Variants in EPHA8 observed in about 807,000 individuals in gnomAD.
EPHA8 encodes the protein ephrin type-A receptor 8.
EPHA8 carries 58 observed loss-of-function variants against 103.6 expected under a neutral mutation model. That is an observed-to-expected ratio of 0.56 (90% CI 0.45 to 0.70). The LOEUF is 0.70. Among genes scored for constraint, EPHA8 ranks in the 30% least tolerant of loss-of-function variants. The pLI is 0.00. For synonymous variants in EPHA8, 559 were observed against 572.5 expected, an observed-to-expected ratio of 0.98 and a Z score of 0.34; for missense variants, 1,304 against 1,395.2, an observed-to-expected ratio of 0.93 and a Z score of 1.04.
At position 22,593,308 on chromosome 1, in the gene EPHA8, C is replaced by G. The variant is rs200567814; in HGVS notation, c.1316-18C>G. On this transcript the variant is annotated intron_variant, in intron 5 of 16. Coordinates refer to ENST00000166244, the MANE Select transcript of EPHA8 (RefSeq NM_020526.5). The stretch of plus-strand genomic sequence containing the variant: ...CCTTGTCTCCCCTCCGCCCATCTGA[C>G]GGGATTGGCCGCCCCAGCCCCGTCC... 6.4e-7 allele frequency: 1 copy of G among 1,551,726 alleles called. No homozygotes were observed. Among genetic ancestry groups the G allele is most frequent in the African/African-American group, 1.4e-5 (1 of 73,892 alleles).
chr1:22,590,662 G>A (rs1641347721), intron 5 of EPHA8, among the ~76,000 whole-genome samples: 1 of 152,066 alleles, frequency 6.6e-6, no homozygotes, highest in South Asian at 2.1e-4. Context: ...AAAGGCCATG[G>A]GTCCCTGGGA....
At chr1:22,594,835 C>T (rs1182115308) in intron 7 of EPHA8, among the ~76,000 whole-genome samples, 1 of 152,202 alleles carries the variant, frequency 6.6e-6, no homozygotes, top group Admixed American at 6.5e-5. Context: ...GTGCTGGGGT[C>T]TCTCTGGAAG....
chr1:22,590,135 C>G (rs1475772485), intron 5 of EPHA8, among the ~76,000 whole-genome samples: 2 of 152,290 alleles, frequency 1.3e-5, no homozygotes, highest in East Asian at 3.9e-4. Flanking sequence ...TCGTGGAACA[C>G]CCACTAAATG....
rs1641572631 is a variant in EPHA8 at position 22,598,043 on chromosome 1, G to T, written c.2117-108G>T. The stretch of plus-strand genomic sequence containing the variant: ...CAGTGGAAACCCAAGGCACCCTGGG[G>T]TTTCCAGTGCTGGCACAGGTCCTGA... On this transcript the variant is annotated intron_variant, in intron 11 of 16. Coordinates refer to ENST00000166244, the MANE Select transcript of EPHA8 (RefSeq NM_020526.5). The surrounding 1 kb of genome is among the most constrained non-coding windows in gnomAD (Gnocchi z 5.1). 3 of 1,444,410 alleles carry T rather than the reference G, an allele frequency of 2.1e-6. No individual in the cohort carries two copies. The East Asian group carries it at 6.8e-5, about 33-fold the overall frequency. 89.5% of individuals were successfully genotyped at this position (1,444,410 alleles called of 1,614,324 possible). A position where few individuals can be genotyped will look rare whatever the true frequency, so the allele number is the denominator to read the frequency against.
intron 8 of EPHA8, 105 bp from the exon 9 acceptor site, chr1:22,595,999 CAG>C: frequency 1.0e-6 from 1 of 995,842 alleles, no homozygotes; most frequent in Non-Finnish European, 1.5e-6. Context: ...GCTGACCTGT[CAG>C]GGGAAGGGGC....
chr1:22,570,385 C>A (rs569462935), intron 2 of EPHA8, among the ~76,000 whole-genome samples: 2 of 84,726 alleles, frequency 2.4e-5, no homozygotes, highest in African/African-American at 1.9e-4. Context: ...TACACACACG[C>A]GCGCGCGCAT....
intron 1 of EPHA8, among the ~76,000 whole-genome samples, chr1:22,564,306 C>T (rs1226905746): frequency 2.0e-5 from 3 of 146,978 alleles, no homozygotes; most frequent in Non-Finnish European, 4.5e-5. Context: ...GAATGAGAGT[C>T]TGGGAGAGGG....
At chr1:22,596,944 C>T (rs1386418618) in intron 9 of EPHA8, among the ~76,000 whole-genome samples, 3 of 152,218 alleles carry the variant, frequency 2.0e-5, no homozygotes, top group Admixed American at 2.0e-4. Flanking sequence ...AGGCATGAGC[C>T]ATCACGCCCA....
chr1:22,587,212 C>T (rs954993763), intron 4 of EPHA8, among the ~76,000 whole-genome samples: 1 of 152,236 alleles, frequency 6.6e-6, no homozygotes, highest in Non-Finnish European at 1.5e-5. Flanking sequence ...ACGCCTGTAT[C>T]GTGTTTGGAT....
chr1:22,569,398 A>G lies in EPHA8; in HGVS notation c.159+45A>G. 1 of 1,535,646 alleles carries G rather than the reference A, an allele frequency of 6.5e-7. No individual in the cohort carries two copies. The highest frequency in any genetic ancestry group is 1.4e-5 in the African/African-American group (1 of 72,428). ...GACAACGTCATCCCTCTGTGAGCAG[A>G]GAGAGGCTGCCACTCACAGAGTCTG... On this transcript the variant is annotated intron_variant, in intron 2 of 16. Transcript: ENST00000166244. The surrounding 1 kb of genome is among the most constrained non-coding windows in gnomAD (Gnocchi z 4.5).
intron 8 of EPHA8, 144 bp downstream of exon 8, chr1:22,595,467 A>G: frequency 1.6e-6 from 1 of 613,368 alleles, no homozygotes; most frequent in South Asian, 2.2e-5. Flanking sequence ...ACCTAGTGAC[A>G]TGCCAGTGAT....
intron 3 of EPHA8, among the ~76,000 whole-genome samples, chr1:22,585,056 C>CTGTGTGT (rs1557568113): frequency 2.3e-5 from 2 of 86,634 alleles, no homozygotes; most frequent in African/African-American, 1.5e-4. Flanking sequence ...TGTGTGCGCA[C>CTGTGTGT]GCGTGTGTCT....
intron 3 of EPHA8, among the ~76,000 whole-genome samples, chr1:22,585,331 C>A (rs1641173324): frequency 6.6e-6 from 1 of 152,082 alleles, no homozygotes. Context: ...CCCTGGGGAG[C>A]CTGTGAGGCA....
chr1:22,576,295 C>G lies in EPHA8; in HGVS notation c.238C>G (p.Gln80Glu), dbSNP rs1436544769. 1.9e-6 allele frequency: 3 copies of G among 1,613,904 alleles called. No individual in the cohort carries two copies. In the East Asian group the frequency reaches 6.7e-5, roughly 36 times the overall value. Residue 80 changes from glutamine (Q) to glutamate (E), a missense_variant, in exon 3 of 17, where the codon CAG (glutamine) becomes GAG (glutamate). By Grantham distance (29) the Gln-to-Glu change is conservative. Coordinates refer to ENST00000166244, the MANE Select transcript of EPHA8 (RefSeq NM_020526.5). This position sits in a 1 kb window ranked among gnomAD's most constrained non-coding sequence, Gnocchi z 4.8. ...GGTTTGCAACGTCATGAGCCCCAAC[C>G]AGAACAACTGGCTGCGCACGAGCTG... ...YQVCNVMSPN[Q>E]NNWLRTSWVP...
chr1:22,586,739 C>A (rs989510785), intron 4 of EPHA8, 104 bp downstream of exon 4: 6 of 1,432,498 alleles, frequency 4.2e-6, no homozygotes, highest in African/African-American at 1.5e-5. Context: ...GCTGGTGGGG[C>A]AGGGGCGGGT....
rs776599617 is a variant in EPHA8 at position 22,567,581 on chromosome 1, C to A, written c.95-1708C>A. 6.6e-6 allele frequency among the ~76,000 whole-genome samples: 1 copy of A among 152,080 alleles called. No individual in the cohort carries two copies. Among genetic ancestry groups the A allele is most frequent in the Non-Finnish European group, 1.5e-5 (1 of 68,014 alleles). ...GAGACCCCCTCCCTAGTTCTGCCAG[C>A]CTCACTCCAGCCGGCCTCCTTCAGG... On this transcript the variant is annotated intron_variant, in intron 1 of 16. Coordinates refer to ENST00000166244, the MANE Select transcript of EPHA8 (RefSeq NM_020526.5). The surrounding 1 kb of genome is among the most constrained non-coding windows in gnomAD (Gnocchi z 4.2).
chr1:22,567,555 G>A lies in EPHA8; in HGVS notation c.95-1734G>A, dbSNP rs576928011. On this transcript the variant is annotated intron_variant, in intron 1 of 16. Transcript: ENST00000166244. The surrounding 1 kb of genome is among the most constrained non-coding windows in gnomAD (Gnocchi z 4.2). ...CAGGGAGGAATGCAGGGAGGAGCGC[G>A]GAGACCCCCTCCCTAGTTCTGCCAG... Among the ~76,000 whole-genome samples the A allele has an allele frequency of 4.6e-5, 7 of 152,140 alleles. No homozygotes were observed. The highest frequency in any genetic ancestry group is 3.9e-4 in the Admixed American group (6 of 15,300).
In EPHA8 at chr1:22,567,967, G is replaced by A. The variant is rs1169195641; in HGVS notation, c.95-1322G>A. 6.6e-6 allele frequency among the ~76,000 whole-genome samples: 1 copy of A among 152,208 alleles called. No homozygotes were observed. The highest frequency in any genetic ancestry group is 1.5e-5 in the Non-Finnish European group (1 of 68,046). On this transcript the variant is annotated intron_variant, in intron 1 of 16. Coordinates refer to ENST00000166244, the MANE Select transcript of EPHA8 (RefSeq NM_020526.5). The surrounding 1 kb of genome is among the most constrained non-coding windows in gnomAD (Gnocchi z 4.2). Reference sequence around the variant, plus strand: ...TCAAAAGGAAGCAAAGAGGTGAAGGGACTTAACCAAGGACACACAGCAGTT... The same window carrying A: ...TCAAAAGGAAGCAAAGAGGTGAAGGAACTTAACCAAGGACACACAGCAGTT...
intron 1 of EPHA8, among the ~76,000 whole-genome samples, chr1:22,565,375 G>C (rs1044737062): frequency 1.3e-5 from 2 of 152,106 alleles, no homozygotes; most frequent in African/African-American, 4.8e-5. Context: ...ACAGGTTCCC[G>C]GGGCACCAGG....
Sources: allele counts gnomAD v4.1 joint callset (sites outside exome capture counted in the v4.1 genomes callset), GRCh38; gene constraint gnomAD v4.1.1; non-coding constraint Gnocchi (gnomAD v3.1); transcripts MANE v1.5; gene names NCBI Gene and HGNC (gene_info 2026-07-23, HGNC 2026-07-21).